Variants in PDE4D observed in about 807,000 individuals in gnomAD.
PDE4D encodes the protein 3',5'-cyclic-AMP phosphodiesterase 4D.
In PDE4D, 24 loss-of-function variants were observed where a neutral mutation model predicts 87.4. That is an observed-to-expected ratio of 0.27 (90% confidence interval 0.20 to 0.39). The LOEUF (loss-of-function observed/expected upper bound fraction) is 0.39, where lower values mean the gene tolerates loss of function less well. PDE4D is among the 10% of genes least tolerant of loss of function. The pLI is 1.00. For synonymous variants in PDE4D, 384 were observed against 383.2 expected (o/e 1.00, Z -0.02); for missense variants, 714 against 1,041.0 (o/e 0.69, Z 4.32).
At chr5:60,382,274 C>T (rs1239624962) in intron 1 of PDE4D, among the ~76,000 whole-genome samples, 1 of 152,134 alleles carries the variant, frequency 6.6e-6, no homozygotes, top group Non-Finnish European at 1.5e-5. Flanking sequence ...CTTCATGTAT[C>T]TATGTGGCTA....
upstream of PDE4D, chr5:60,490,093 A>C (rs1233843327): frequency 6.6e-6 from 1 of 152,238 alleles, no homozygotes; most frequent in African/African-American, 2.4e-5. Context: ...ACTGAGTTAC[A>C]GACTGTCCCC....
chr5:59,114,906 A>G (rs1488149558), intron 5 of PDE4D, among the ~76,000 whole-genome samples: 3 of 127,662 alleles, frequency 2.3e-5, no homozygotes, highest in African/African-American at 5.4e-5. Context: ...AAAGAAAATG[A>G]TAAGTGTAAA....
chr5:60,493,630 C>T (rs1749655359), intron 1 of PDE4D, among the ~76,000 whole-genome samples: 1 of 149,098 alleles, frequency 6.7e-6, no homozygotes, highest in Non-Finnish European at 1.5e-5. Context: ...TCATTCACTA[C>T]TCATGCATGA....
intron 5 of PDE4D, among the ~76,000 whole-genome samples, chr5:59,106,905 T>G (rs1163195757): frequency 6.6e-6 from 1 of 152,252 alleles, no homozygotes; most frequent in Non-Finnish European, 1.5e-5. Context: ...AATTGTTGTT[T>G]TATGCTGGTA....
At chr5:59,848,715 G>T (rs1029776298) in intron 1 of PDE4D, among the ~76,000 whole-genome samples, 40 of 152,086 alleles carry the variant, frequency 2.6e-4, no homozygotes, top group Admixed American at 1.4e-3. Context: ...GCTAATATAG[G>T]AAGTATTTTT....
intron 3 of PDE4D, among the ~76,000 whole-genome samples, chr5:59,970,816 A>C (rs1217443542): frequency 6.8e-6 from 1 of 147,628 alleles, no homozygotes; most frequent in Non-Finnish European, 1.5e-5. Context: ...TCAGGGATCT[A>C]GAACTAGAAA....
chr5:59,377,023 T>C (rs971368700), intron 1 of PDE4D, among the ~76,000 whole-genome samples: 3 of 152,114 alleles, frequency 2.0e-5, no homozygotes, highest in African/African-American at 7.2e-5. Flanking sequence ...TATACAAAAC[T>C]TAACTCAAGA....
chr5:59,282,461 T>C (rs1027052611), intron 1 of PDE4D, among the ~76,000 whole-genome samples: 12 of 151,668 alleles, frequency 7.9e-5, no homozygotes, highest in African/African-American at 2.9e-4. Flanking sequence ...GCAAACATGG[T>C]GAAACCCCGT....
chr5:59,846,711 T>C (rs1213961858), intron 1 of PDE4D, among the ~76,000 whole-genome samples: 1 of 151,976 alleles, frequency 6.6e-6, no homozygotes, highest in East Asian at 1.9e-4. Flanking sequence ...AGAGAGCTCC[T>C]GGGCCTGCAG....
At chr5:60,336,053 G>A (rs1421032819) in intron 1 of PDE4D, among the ~76,000 whole-genome samples, 1 of 152,150 alleles carries the variant, frequency 6.6e-6, no homozygotes, top group Non-Finnish European at 1.5e-5. Flanking sequence ...GCGAGGAAAA[G>A]AATGAAGAAT....
intron 1 of PDE4D, among the ~76,000 whole-genome samples, chr5:59,562,679 T>A (rs1820235357): frequency 6.6e-6 from 1 of 152,230 alleles, no homozygotes; most frequent in Admixed American, 6.5e-5. Flanking sequence ...CCTAGTTAGG[T>A]TGAGTCATGT....
chr5:59,966,142 G>GT (rs1561920279), intron 3 of PDE4D, among the ~76,000 whole-genome samples: 1 of 152,126 alleles, frequency 6.6e-6, no homozygotes, highest in East Asian at 1.9e-4. Context: ...CATAAAGTTA[G>GT]TTTACAAAGG....
At chr5:59,469,294 C>T (rs1192713134) in intron 1 of PDE4D, among the ~76,000 whole-genome samples, 1 of 152,092 alleles carries the variant, frequency 6.6e-6, no homozygotes, top group Non-Finnish European at 1.5e-5. Context: ...CGCCACCGCA[C>T]TCCAGCCTGG....
chr5:59,132,182 TC>T (rs1259072854), intron 5 of PDE4D, among the ~76,000 whole-genome samples: 1 of 152,048 alleles, frequency 6.6e-6, no homozygotes, highest in African/African-American at 2.4e-5. Context: ...CCTGGTACAC[TC>T]CCCCACCGTT....
At chr5:59,420,617 T>C (rs1216066450) in intron 1 of PDE4D, among the ~76,000 whole-genome samples, 2 of 148,488 alleles carry the variant, frequency 1.3e-5, no homozygotes, top group East Asian at 2.0e-4. Context: ...GTATGAATCC[T>C]ACCACAAGCA....
chr5:59,987,411 C>CT (rs1284668929), intron 3 of PDE4D: 1 of 152,022 alleles, frequency 6.6e-6, no homozygotes, highest in Non-Finnish European at 1.5e-5. Context: ...TATTTGTTTT[C>CT]TTATTATTTA....
chr5:59,126,947 A>T (rs547292637), intron 5 of PDE4D, among the ~76,000 whole-genome samples: 2 of 152,320 alleles, frequency 1.3e-5, no homozygotes, highest in African/African-American at 4.8e-5. Flanking sequence ...AGAGAATGAA[A>T]GGATTCGATC....
At chr5:59,434,584 C>T (rs1269406318) in intron 1 of PDE4D, among the ~76,000 whole-genome samples, 1 of 152,116 alleles carries the variant, frequency 6.6e-6, no homozygotes, top group Non-Finnish European at 1.5e-5. Context: ...AAACTCCCAC[C>T]TCTTTATTCA....
chr5:59,480,485 C>T (rs1031230258), intron 1 of PDE4D, among the ~76,000 whole-genome samples: 3 of 152,140 alleles, frequency 2.0e-5, no homozygotes, highest in African/African-American at 7.2e-5. Flanking sequence ...TACCACCCAA[C>T]ACCCAGGTTC....
Sources: gnomAD v4.1 joint callset for allele counts (sites outside exome capture counted in the v4.1 genomes callset) on GRCh38, gnomAD v4.1.1 for gene constraint, MANE v1.5 for transcripts, NCBI Gene and HGNC (gene_info 2026-07-23, HGNC 2026-07-21) for gene names.